Variants in GPATCH2 observed in about 807,000 individuals in gnomAD.
GPATCH2 encodes the protein G-patch domain containing 2, also known as G patch domain-containing protein 2.
GPATCH2 carries 51 observed loss-of-function variants against 58.0 expected under a neutral mutation model. The ratio of observed to expected loss-of-function variants is 0.88; its 90% confidence interval spans 0.70 to 1.11. The LOEUF is 1.11. GPATCH2 is among the 50% of genes most tolerant of loss of function. The pLI is 0.00. For synonymous variants in GPATCH2, 222 were observed against 218.5 expected (o/e 1.02, Z -0.14); for missense variants, 625 against 652.2 (o/e 0.96, Z 0.45).
At chr1:217,480,738 C>T (rs561279171) in intron 8 of GPATCH2, among the ~76,000 whole-genome samples, 4 of 152,076 alleles carry the variant, frequency 2.6e-5, no homozygotes, top group Non-Finnish European at 4.4e-5. Flanking sequence ...TTGGAGGCAA[C>T]CTAAGTGTCC....
intron 5 of GPATCH2, among the ~76,000 whole-genome samples, chr1:217,519,498 TAAGAGGAATA>T (rs1174907945): frequency 4.6e-5 from 7 of 152,192 alleles, no homozygotes. Context: ...TTATCTGATT[TAAGAGGAATA>T]AAGAGGAATA....
chr1:217,498,552 C>T (rs908237232), intron 6 of GPATCH2, 157 bp from the exon 7 acceptor site: 1 of 660,094 alleles, frequency 1.5e-6, no homozygotes, highest in Non-Finnish European at 2.7e-6. Flanking sequence ...TAGACTTAGA[C>T]CAATTTTGAC....
rs542954905 is a variant in GPATCH2 at position 217,427,983 on chromosome 1, C to A, written c.*3162G>T. 35 of 152,126 alleles carry A rather than the reference C, an allele frequency of 2.3e-4. No individual in the cohort carries two copies. Among genetic ancestry groups the A allele is most frequent in the African/African-American group, 7.9e-4 (33 of 41,516 alleles). The allele number at this position is 152,126 out of a possible 1,614,324, so 9.4% of individuals were successfully genotyped here. A position where few individuals can be genotyped will look rare whatever the true frequency, so the allele number is the denominator to read the frequency against. ...AATATATGGTATTTAAATGCTGAGA[C>A]CAATTTATTGGCAGATTTTAATTAG... On this transcript the variant is annotated 3_prime_UTR_variant, in exon 10 of 10. Transcript: ENST00000366935.
chr1:217,479,377 G>C (rs944475983), intron 8 of GPATCH2, among the ~76,000 whole-genome samples: 6 of 152,130 alleles, frequency 3.9e-5, no homozygotes, highest in African/African-American at 1.4e-4. Context: ...AAAAAGTAGA[G>C]AATGAGGTTG....
intron 8 of GPATCH2, among the ~76,000 whole-genome samples, chr1:217,473,302 T>C (rs949067800): frequency 5.9e-5 from 9 of 151,954 alleles, no homozygotes; most frequent in South Asian, 2.1e-4. Flanking sequence ...TGTGTGTGTG[T>C]GTGTGTGTGT....
chr1:217,594,871 G>A (rs1667751682), intron 5 of GPATCH2, among the ~76,000 whole-genome samples: 1 of 152,178 alleles, frequency 6.6e-6, no homozygotes, highest in South Asian at 2.1e-4. Flanking sequence ...GTGCTACACT[G>A]TGGAGCTGGG....
In GPATCH2 at chr1:217,622,700, T is replaced by C. The variant is rs59438737; in HGVS notation, c.57-2201A>G. 3.2e-3 allele frequency among the ~76,000 whole-genome samples: 486 copies of C among 152,302 alleles called. 2 individuals are homozygous for C. Among genetic ancestry groups the C allele is most frequent in the African/African-American group, 0.011 (464 of 41,568 alleles). On this transcript the variant is annotated intron_variant, in intron 1 of 9. Transcript: ENST00000366935. Reference sequence around the variant, plus strand: ...CTGGGATTACAGGCGCACGCCACCATGCCCGGCTAATTTTTGTATTTTTTA... The same window carrying C: ...CTGGGATTACAGGCGCACGCCACCACGCCCGGCTAATTTTTGTATTTTTTA...
chr1:217,550,191 G>A (rs550450096), intron 5 of GPATCH2, among the ~76,000 whole-genome samples: 1 of 152,198 alleles, frequency 6.6e-6, no homozygotes, highest in South Asian at 2.1e-4. Context: ...CACATGGTAG[G>A]TTTCTGTAAG....
intron 8 of GPATCH2, among the ~76,000 whole-genome samples, chr1:217,488,604 T>C (rs1412319164): frequency 1.3e-5 from 2 of 152,138 alleles, no homozygotes; most frequent in Non-Finnish European, 2.9e-5. Flanking sequence ...GAACATATAC[T>C]GGATATTTCC....
chr1:217,558,182 A>C (rs1029461669), intron 5 of GPATCH2, among the ~76,000 whole-genome samples: 13 of 152,206 alleles, frequency 8.5e-5, no homozygotes, highest in Non-Finnish European at 1.5e-4. Flanking sequence ...ATAATCTTGA[A>C]CAAATCATTC....
At chr1:217,434,314 C>T (rs1312594293) in intron 9 of GPATCH2, among the ~76,000 whole-genome samples, 1 of 152,158 alleles carries the variant, frequency 6.6e-6, no homozygotes, top group African/African-American at 2.4e-5. Flanking sequence ...TAGTCATACA[C>T]ACGCAAGCAC....
Position 217,510,485 on chromosome 1 carries a change from G to A in GPATCH2, c.1166+4337C>T, listed in dbSNP as rs1297373030. Among the ~76,000 whole-genome samples, 12 of 149,684 alleles carry A rather than the reference G, an allele frequency of 8.0e-5. No homozygotes were observed. The South Asian group carries it at 1.1e-3, about 13-fold the overall frequency. ...TATATTTAATATATAATAATATATCGGGTAACAGCAAACATAAAAAATAAA... is the reference window on the plus strand; with the variant it reads ...TATATTTAATATATAATAATATATCAGGTAACAGCAAACATAAAAAATAAA... On this transcript the variant is annotated intron_variant, in intron 6 of 9. Coordinates refer to ENST00000366935, the MANE Select transcript of GPATCH2 (RefSeq NM_018040.5).
At chr1:217,598,258 C>T (rs550770597) in intron 5 of GPATCH2, among the ~76,000 whole-genome samples, 26 of 151,908 alleles carry the variant, frequency 1.7e-4, no homozygotes, top group Non-Finnish European at 2.7e-4. Flanking sequence ...TGTGGTGGTG[C>T]ATGCCTGTAA....
At position 217,427,596 on chromosome 1, in the gene GPATCH2, A is replaced by C. The variant is rs1395220807; in HGVS notation, c.*3549T>G. On this transcript the variant is annotated 3_prime_UTR_variant, in exon 10 of 10. Transcript: ENST00000366935. ...ACTATTAACATGACTTTCTACCAAA[A>C]GAAAAAATAAAAAAAAATATTCTTT... 1 of 136,978 alleles carries C rather than the reference A, an allele frequency of 7.3e-6. No homozygotes were observed. The highest frequency in any genetic ancestry group is 1.6e-5 in the Non-Finnish European group (1 of 61,214). The allele number at this position is 136,978 out of a possible 1,614,324, so 8.5% of individuals were successfully genotyped here.
At chr1:217,606,298 T>C (rs1668358300) in intron 5 of GPATCH2, among the ~76,000 whole-genome samples, 1 of 151,548 alleles carries the variant, frequency 6.6e-6, no homozygotes, top group African/African-American at 2.4e-5. Context: ...CAATTAAGTT[T>C]TGAGATTTAG....
intron 8 of GPATCH2, among the ~76,000 whole-genome samples, chr1:217,476,712 C>A (rs943302587): frequency 6.6e-6 from 1 of 152,108 alleles, no homozygotes; most frequent in Non-Finnish European, 1.5e-5. Flanking sequence ...AATCACCAAT[C>A]CTAGCGGTCC....
At chr1:217,585,576 C>A (rs978144554) in intron 5 of GPATCH2, among the ~76,000 whole-genome samples, 3 of 152,166 alleles carry the variant, frequency 2.0e-5, no homozygotes, top group Admixed American at 6.5e-5. Context: ...GCCGAGATCA[C>A]GCCACTGCAC....
intron 5 of GPATCH2, among the ~76,000 whole-genome samples, chr1:217,554,057 G>A (rs1037900350): frequency 3.3e-5 from 5 of 152,174 alleles, no homozygotes; most frequent in Non-Finnish European, 7.3e-5. Flanking sequence ...TCCTTCTTCG[G>A]ACCTTCTTGT....
At chr1:217,564,547 C>T (rs1666116906) in intron 5 of GPATCH2, among the ~76,000 whole-genome samples, 1 of 152,182 alleles carries the variant, frequency 6.6e-6, no homozygotes, top group Non-Finnish European at 1.5e-5. Context: ...TCAAGGCTTA[C>T]CTTCCAGCAA....
Sources: gnomAD v4.1 joint callset for allele counts (sites outside exome capture counted in the v4.1 genomes callset) on GRCh38, gnomAD v4.1.1 for gene constraint, MANE v1.5 for transcripts, NCBI Gene and HGNC (gene_info 2026-07-23, HGNC 2026-07-21) for gene names.